The following SRGAP3 variants were observed in gnomAD, a reference collection of about 807,000 sequenced individuals.
SRGAP3 encodes the protein SLIT-ROBO Rho GTPase-activating protein 3.
In SRGAP3, 39 loss-of-function variants were observed where a neutral mutation model predicts 121.1. That is an observed-to-expected ratio of 0.32 (90% confidence interval 0.25 to 0.42). The LOEUF (loss-of-function observed/expected upper bound fraction) is 0.42, where lower values mean the gene tolerates loss of function less well. SRGAP3 is among the 10% of genes least tolerant of loss of function. The pLI, the probability that SRGAP3 is intolerant of heterozygous loss-of-function variation, is 1.00. For missense variants in SRGAP3, 1,213 were observed against 1,470.6 expected (o/e 0.82, Z 2.86); for synonymous variants, 601 against 570.0 (o/e 1.05, Z -0.77).
At chr3:9,154,095 G>A (rs1044217459) in intron 1 of SRGAP3, among the ~76,000 whole-genome samples, 2 of 152,028 alleles carry the variant, frequency 1.3e-5, no homozygotes, top group Non-Finnish European at 2.9e-5. Context: ...AAGCTCTTGA[G>A]AAATCCACGT....
At chr3:9,352,638 A>G (rs925174334) in intron 1 of SRGAP3, among the ~76,000 whole-genome samples, 12 of 152,158 alleles carry the variant, frequency 7.9e-5, no homozygotes, top group Admixed American at 3.9e-4. Flanking sequence ...ATCACCTAAC[A>G]GCACATTTCT....
intron 1 of SRGAP3, chr3:9,216,880 G>GT (rs1952654996): frequency 2.0e-5 from 3 of 152,198 alleles, no homozygotes; most frequent in Non-Finnish European, 4.4e-5. Flanking sequence ...GATGAACCCT[G>GT]AAGCATTACG....
intron 3 of SRGAP3, among the ~76,000 whole-genome samples, chr3:9,274,115 C>T (rs939343519): frequency 6.6e-6 from 1 of 152,230 alleles, no homozygotes; most frequent in African/African-American, 2.4e-5. Flanking sequence ...CTATCTTTGT[C>T]ACCTCAGTAC....
rs1375736283 is a variant in SRGAP3 at position 9,111,362 on chromosome 3, G to A, written c.261-6520C>T. ...AAAGGAAGAGTTGGAGGGCGCTAGTGAAAGGGGCTGGGCAGGTGGGCTGGC... is the reference window on the plus strand; with the variant it reads ...AAAGGAAGAGTTGGAGGGCGCTAGTAAAAGGGGCTGGGCAGGTGGGCTGGC... On this transcript the variant is annotated intron_variant, in intron 2 of 21. Transcript: ENST00000383836. Among the ~76,000 whole-genome samples, 4 of 152,258 alleles carry A rather than the reference G, an allele frequency of 2.6e-5. No individual in the cohort carries two copies. In the East Asian group the frequency reaches 7.7e-4, roughly 29 times the overall value.
At chr3:9,264,466 A>G (rs149193976) in intron 3 of SRGAP3, among the ~76,000 whole-genome samples, 2,150 of 152,332 alleles carry the variant, frequency 0.014, 37 homozygotes, top group African/African-American at 0.038. Context: ...GTATATTTAG[A>G]AAATCCCATC....
At chr3:9,332,242 C>A (rs928594024) in intron 1 of SRGAP3, among the ~76,000 whole-genome samples, 5 of 152,168 alleles carry the variant, frequency 3.3e-5, no homozygotes, top group African/African-American at 1.2e-4. Flanking sequence ...GCCTCAGCCT[C>A]CTGAATAGCT....
At chr3:9,240,441 C>T (rs1180300419) in intron 1 of SRGAP3, among the ~76,000 whole-genome samples, 1 of 152,124 alleles carries the variant, frequency 6.6e-6, no homozygotes, top group Non-Finnish European at 1.5e-5. Context: ...GCAGCCCAAA[C>T]TCACCCCCTC....
intron 2 of SRGAP3, among the ~76,000 whole-genome samples, chr3:9,118,243 C>T (rs1176372434): frequency 6.6e-6 from 1 of 152,168 alleles, no homozygotes; most frequent in Non-Finnish European, 1.5e-5. Context: ...TCTTTCGTAT[C>T]CTCCTTCTCC....
At chr3:9,275,464 T>G (rs1164127831) in intron 3 of SRGAP3, among the ~76,000 whole-genome samples, 1 of 152,112 alleles carries the variant, frequency 6.6e-6, no homozygotes, top group Non-Finnish European at 1.5e-5. Context: ...GATCCAAATG[T>G]TCACCCATGA....
At chr3:9,150,544 C>G (rs549197991) in intron 1 of SRGAP3, among the ~76,000 whole-genome samples, 1 of 152,236 alleles carries the variant, frequency 6.6e-6, no homozygotes, top group South Asian at 2.1e-4. Context: ...GGGCCCAGGA[C>G]AGCCTCTGAG....
At chr3:9,144,360 A>C (rs1949956317) in intron 1 of SRGAP3, among the ~76,000 whole-genome samples, 1 of 151,960 alleles carries the variant, frequency 6.6e-6, no homozygotes, top group Non-Finnish European at 1.5e-5. Flanking sequence ...TCAACATACC[A>C]AGTTCTTTTC....
intron 3 of SRGAP3, among the ~76,000 whole-genome samples, chr3:9,083,560 T>C (rs1346810361): frequency 6.6e-6 from 1 of 152,226 alleles, no homozygotes; most frequent in Admixed American, 6.5e-5. Context: ...TATATCCCCT[T>C]TTTTGCACAG....
chr3:9,237,408 A>G (rs1292995288), intron 1 of SRGAP3, among the ~76,000 whole-genome samples: 1 of 152,198 alleles, frequency 6.6e-6, no homozygotes, highest in Non-Finnish European at 1.5e-5. Flanking sequence ...AGAGAAATCA[A>G]AGCTCTTATT....
intron 2 of SRGAP3, among the ~76,000 whole-genome samples, chr3:9,116,269 CATTT>C (rs1262339550): frequency 6.6e-6 from 1 of 152,210 alleles, no homozygotes; most frequent in Non-Finnish European, 1.5e-5. Flanking sequence ...CCTCGGACAT[CATTT>C]ATCTCCTTTC....
chr3:9,332,518 A>G (rs926332880), intron 1 of SRGAP3, among the ~76,000 whole-genome samples: 1 of 152,188 alleles, frequency 6.6e-6, no homozygotes, highest in Admixed American at 6.5e-5. Context: ...TTCCAAATGG[A>G]CCAAAGGTTT....
chr3:9,314,307 A>G (rs1955305795), intron 3 of SRGAP3, among the ~76,000 whole-genome samples: 1 of 151,922 alleles, frequency 6.6e-6, no homozygotes, highest in Non-Finnish European at 1.5e-5. Flanking sequence ...TGTAATTCCA[A>G]CACTTTGGGA....
Position 9,118,602 on chromosome 3 carries a change from A to T in SRGAP3, c.260+6123T>A, listed in dbSNP as rs145278125. On this transcript the variant is annotated intron_variant, in intron 2 of 21. Coordinates refer to ENST00000383836, the MANE Select transcript of SRGAP3 (RefSeq NM_014850.4). ...ACAGCCCAAAAGTGAGTTGAAAACC[A>T]TTTATTCCCCAGAAAAACATCAGAC... Among the ~76,000 whole-genome samples, 101 of 152,274 alleles carry T rather than the reference A, an allele frequency of 6.6e-4. 3 individuals carry two copies. The East Asian group carries it at 0.016, about 24-fold the overall frequency.
Position 9,325,132 on chromosome 3 carries a change from C to T in SRGAP3, n.442+878G>A, listed in dbSNP as rs73126618. On this transcript the variant is annotated intron_variant and non_coding_transcript_variant, in intron 3 of 3. Transcript: ENST00000490889. ...CACATTTCTTTCAGTTTTTGTCATT[C>T]CACTTGAAGAGAGACTACTTGACGT... 6.2e-3 allele frequency among the ~76,000 whole-genome samples: 945 copies of T among 151,798 alleles called. 9 individuals carry two copies. The highest frequency in any genetic ancestry group is 0.022 in the African/African-American group (907 of 41,514).
chr3:9,266,599 C>T (rs1214927421), intron 3 of SRGAP3, among the ~76,000 whole-genome samples: 1 of 152,130 alleles, frequency 6.6e-6, no homozygotes, highest in Admixed American at 6.5e-5. Context: ...GCTCCACTCC[C>T]CACTCTCACT....
Sources: allele counts gnomAD v4.1 joint callset (sites outside exome capture counted in the v4.1 genomes callset), GRCh38; gene constraint gnomAD v4.1.1; transcripts MANE v1.5; gene names NCBI Gene and HGNC (gene_info 2026-07-23, HGNC 2026-07-21).